The following CELF4 variants were observed in gnomAD, a reference collection of about 807,000 sequenced individuals.
The protein encoded by CELF4 is CUGBP Elav-like family member 4, also known as CUG-BP- and ETR-3-like factor 4.
CELF4 carries 18 observed loss-of-function variants against 59.9 expected under a neutral mutation model. The observed-to-expected ratio is 0.30, with a 90% CI of 0.21 to 0.45. The LOEUF (loss-of-function observed/expected upper bound fraction) is 0.45. CELF4 is among the 20% of genes least tolerant of loss of function. The pLI is 1.00. For missense variants in CELF4, 456 were observed against 689.0 expected, an observed-to-expected ratio of 0.66 and a Z score of 3.79; for synonymous variants, 261 against 267.1, an observed-to-expected ratio of 0.98 and a Z score of 0.22.
At chr18:37,389,172 C>T (rs1443273270) in intron 2 of CELF4, among the ~76,000 whole-genome samples, 2 of 152,202 alleles carry the variant, frequency 1.3e-5, no homozygotes, top group Non-Finnish European at 2.9e-5. Flanking sequence ...AGAGGCTGCT[C>T]TCAGGCTGTC....
chr18:37,436,451 A>T lies in CELF4; in HGVS notation c.369+49074T>A, dbSNP rs187002587. On this transcript the variant is annotated intron_variant, in intron 2 of 12. Transcript: ENST00000420428. ...ATCATATTCATTACACAGATGTGGA[A>T]ACTGAGGCTGGGGTAAATCAAGCAG... 4.8e-3 allele frequency among the ~76,000 whole-genome samples: 732 copies of T among 152,300 alleles called. 2 individuals are homozygous for T. The highest frequency in any genetic ancestry group is 7.7e-3 in the Non-Finnish European group (522 of 68,016).
At chr18:37,397,665 T>C (rs1204845917) in intron 2 of CELF4, among the ~76,000 whole-genome samples, 1 of 152,210 alleles carries the variant, frequency 6.6e-6, no homozygotes. Flanking sequence ...GGGCAAACCA[T>C]GCCTGACGGA....
chr18:37,301,454 G>T (rs2096028933), intron 3 of CELF4, among the ~76,000 whole-genome samples: 1 of 152,184 alleles, frequency 6.6e-6, no homozygotes, highest in African/African-American at 2.4e-5. Context: ...AGCCCCAGAA[G>T]TAGCCCTCCC....
chr18:37,369,255 T>C (rs1053082948), intron 2 of CELF4, among the ~76,000 whole-genome samples: 14 of 151,502 alleles, frequency 9.2e-5, no homozygotes, highest in African/African-American at 2.9e-4. Flanking sequence ...GGTGGGGGGG[T>C]GGGCAGCGGG....
At chr18:37,330,082 G>C (rs1212434042) in intron 2 of CELF4, among the ~76,000 whole-genome samples, 1 of 152,204 alleles carries the variant, frequency 6.6e-6, no homozygotes, top group East Asian at 1.9e-4. Context: ...TAAAAGCCTG[G>C]TGATGCAACC....
In CELF4 at chr18:37,491,662, G is replaced by A. The variant is rs115535398; in HGVS notation, c.287-6055C>T. ...TGAGGAGGGAAGGGAGAAGGAGTGT[G>A]TGGCAGGAGAGGTGAGCACTGGGCC... On this transcript the variant is annotated intron_variant, in intron 1 of 12. Transcript: ENST00000420428. Among the ~76,000 whole-genome samples, 1,452 of 152,266 alleles carry A rather than the reference G, an allele frequency of 9.5e-3. 19 individuals are homozygous for A. The highest frequency in any genetic ancestry group is 0.033 in the African/African-American group (1,369 of 41,536).
chr18:37,504,768 T>C (rs911580010), intron 1 of CELF4, among the ~76,000 whole-genome samples: 2 of 152,204 alleles, frequency 1.3e-5, no homozygotes, highest in Non-Finnish European at 2.9e-5. Flanking sequence ...TTTTCATTTT[T>C]TGGCGTGTCT....
chr18:37,244,593 T>A lies in CELF4; in HGVS notation c.*649A>T, dbSNP rs72898401. The A allele has an allele frequency of 0.13, 19,300 of 152,404 alleles. 1,535 individuals carry two copies. The highest frequency in any genetic ancestry group is 0.17 in the Non-Finnish European group (11,394 of 67,970). 9.4% of individuals were successfully genotyped at this position (152,404 alleles called of 1,614,324 possible). On this transcript the variant is annotated 3_prime_UTR_variant, in exon 13 of 13. Transcript: ENST00000420428. ...TTTTTTTTGTTTTTTGTTTTTTTTT[T>A]AATTTTTTATTACATTTTTTCATAG...
intron 1 of CELF4, among the ~76,000 whole-genome samples, chr18:37,523,236 C>T (rs1569569745): frequency 6.6e-6 from 1 of 152,112 alleles, no homozygotes; most frequent in Non-Finnish European, 1.5e-5. Context: ...TTCAGAGGCT[C>T]GTTTGTTGGG....
chr18:37,290,567 C>T (rs2095266525), intron 3 of CELF4, among the ~76,000 whole-genome samples: 1 of 152,128 alleles, frequency 6.6e-6, no homozygotes, highest in Non-Finnish European at 1.5e-5. Flanking sequence ...AGTGCCGCAG[C>T]TGAATTCCAG....
At chr18:37,442,404 GA>G (rs1368671437) in intron 2 of CELF4, among the ~76,000 whole-genome samples, 2 of 152,060 alleles carry the variant, frequency 1.3e-5, no homozygotes, top group South Asian at 2.1e-4. Context: ...CTAGATCTCA[GA>G]AAAAAAATTT....
chr18:37,554,746 C>T (rs992585776), intron 1 of CELF4, among the ~76,000 whole-genome samples: 4 of 152,166 alleles, frequency 2.6e-5, no homozygotes, highest in African/African-American at 2.4e-5. Context: ...CTCCTTTTCA[C>T]TTCTTCCCCA....
At chr18:37,261,426 C>T (rs1395675432) in intron 10 of CELF4, among the ~76,000 whole-genome samples, 1 of 152,220 alleles carries the variant, frequency 6.6e-6, no homozygotes, top group Non-Finnish European at 1.5e-5. Context: ...CCCGCAGGCT[C>T]AATCCCACAT....
intron 2 of CELF4, among the ~76,000 whole-genome samples, chr18:37,342,648 G>A (rs761725157): frequency 6.6e-6 from 1 of 152,200 alleles, no homozygotes; most frequent in Non-Finnish European, 1.5e-5. Flanking sequence ...GGGGAGCCTG[G>A]GTTCCTGCAG....
At chr18:37,333,812 G>GCATC (rs972951811) in intron 2 of CELF4, among the ~76,000 whole-genome samples, 9 of 147,626 alleles carry the variant, frequency 6.1e-5, no homozygotes, top group Non-Finnish European at 1.2e-4. Context: ...ATCCATCCAT[G>GCATC]CATCCATCCA....
intron 2 of CELF4, among the ~76,000 whole-genome samples, chr18:37,426,304 A>C (rs1379727781): frequency 6.6e-6 from 1 of 152,202 alleles, no homozygotes; most frequent in Non-Finnish European, 1.5e-5. Context: ...TATCAGCCTC[A>C]GTTTCCCCTT....
chr18:37,316,668 C>T (rs1362529369), intron 3 of CELF4, among the ~76,000 whole-genome samples: 1 of 152,098 alleles, frequency 6.6e-6, no homozygotes. Context: ...CCCACCTCCT[C>T]CAGGAAGCCC....
chr18:37,306,253 G>A (rs2096395288), intron 3 of CELF4: 1 of 152,292 alleles, frequency 6.6e-6, no homozygotes, highest in Non-Finnish European at 1.5e-5. Context: ...TTCTGTAGAT[G>A]GAAGCCCTCC....
At chr18:37,346,906 G>T (rs757073651) in intron 2 of CELF4, among the ~76,000 whole-genome samples, 1 of 152,118 alleles carries the variant, frequency 6.6e-6, no homozygotes, top group Non-Finnish European at 1.5e-5. Context: ...ATTGGGGAGT[G>T]GTGGACGGGG....
Sources: allele counts gnomAD v4.1 joint callset (sites outside exome capture counted in the v4.1 genomes callset), GRCh38; gene constraint gnomAD v4.1.1; transcripts MANE v1.5; gene names NCBI Gene and HGNC (gene_info 2026-07-23, HGNC 2026-07-21).